The following FRMD5 variants were observed in gnomAD, a reference collection of about 807,000 sequenced individuals.
The protein encoded by FRMD5 is FERM domain containing 5, also known as FERM domain-containing protein 5.
Under a neutral mutation model 69.0 loss-of-function variants are expected in FRMD5, and 20 were observed. That is an observed-to-expected ratio of 0.29 (90% CI 0.20 to 0.42). The LOEUF is 0.42. FRMD5 is among the 10% of genes least tolerant of loss of function. FRMD5 has a pLI of 1.00. For synonymous variants in FRMD5, 271 were observed against 260.1 expected, an observed-to-expected ratio of 1.04 and a Z score of -0.40; for missense variants, 595 against 708.6, an observed-to-expected ratio of 0.84 and a Z score of 1.82.
In FRMD5 at chr15:44,071,168, T is replaced by C. The variant is rs148297705; in HGVS notation, c.102+123785A>G. Among the ~76,000 whole-genome samples, 25 of 152,324 alleles carry C rather than the reference T, an allele frequency of 1.6e-4. No homozygotes were observed. In the East Asian group the frequency reaches 4.8e-3, roughly 29 times the overall value. On this transcript the variant is annotated intron_variant, in intron 1 of 13. Transcript: ENST00000417257. ...TTTTACTTATGTCTTTGCCCAGTTA[T>C]TCTGATTCATCCTCCCAGGTCAGTT...
intron 1 of FRMD5, 164 bp downstream of exon 1, chr15:44,194,789 C>A (rs2078257713): frequency 1.4e-6 from 1 of 711,478 alleles, no homozygotes; most frequent in Non-Finnish European, 2.5e-6. Flanking sequence ...GCAGGGGCTC[C>A]GGTGAAGACG....
intron 1 of FRMD5, among the ~76,000 whole-genome samples, chr15:44,070,082 TAGGAACTACAAATGGCTA>T (rs939313439): frequency 6.6e-6 from 1 of 152,110 alleles, no homozygotes; most frequent in African/African-American, 2.4e-5. Context: ...TGAAATGGCT[TAGGAACTACAAATGGCTA>T]ACCATTTCCA....
At chr15:43,925,688 C>T (rs1439518735) in intron 1 of FRMD5, among the ~76,000 whole-genome samples, 1 of 152,222 alleles carries the variant, frequency 6.6e-6, no homozygotes, top group African/African-American at 2.4e-5. Flanking sequence ...TCTCTGCACT[C>T]ACCCAAAATC....
intron 1 of FRMD5, among the ~76,000 whole-genome samples, chr15:44,038,650 T>C (rs542011816): frequency 6.6e-6 from 1 of 151,722 alleles, no homozygotes; most frequent in South Asian, 2.1e-4. Flanking sequence ...CCAACTGAGG[T>C]ACCCAGTTCA....
chr15:43,972,257 A>G (rs547522225), intron 1 of FRMD5, among the ~76,000 whole-genome samples: 3 of 151,974 alleles, frequency 2.0e-5, no homozygotes, highest in Non-Finnish European at 4.4e-5. Flanking sequence ...CTCCTGCAGC[A>G]CATCACACAA....
intron 1 of FRMD5, among the ~76,000 whole-genome samples, chr15:44,169,619 T>A (rs117056781): frequency 1.1e-3 from 163 of 152,268 alleles, no homozygotes; most frequent in Non-Finnish European, 1.9e-3. Flanking sequence ...TCAGGTTTTA[T>A]ATGGGTTTCC....
chr15:44,037,449 C>T (rs1008544036), intron 1 of FRMD5, among the ~76,000 whole-genome samples: 8 of 150,810 alleles, frequency 5.3e-5, no homozygotes, highest in African/African-American at 7.3e-5. Flanking sequence ...AATACACATA[C>T]GTGTACATGT....
At chr15:44,074,524 G>A (rs1893677537) in intron 1 of FRMD5, among the ~76,000 whole-genome samples, 1 of 150,396 alleles carries the variant, frequency 6.6e-6, no homozygotes, top group Non-Finnish European at 1.5e-5. Flanking sequence ...TTTTTCTTGA[G>A]ACAGAGTTTT....
At chr15:43,964,511 AC>A (rs998129989) in intron 1 of FRMD5, among the ~76,000 whole-genome samples, 2 of 151,640 alleles carry the variant, frequency 1.3e-5, no homozygotes, top group African/African-American at 4.9e-5. Flanking sequence ...AAAAAAAAAA[AC>A]AAAAGAAAAG....
chr15:43,902,060 A>G (rs2089058344), intron 7 of FRMD5, 115 bp downstream of exon 7: 1 of 735,078 alleles, frequency 1.4e-6, no homozygotes, highest in Non-Finnish European at 2.4e-6. Context: ...ATCTCACTGA[A>G]AGTGCCAGCC....
intron 1 of FRMD5, among the ~76,000 whole-genome samples, chr15:43,926,270 T>A (rs2089584041): frequency 6.6e-6 from 1 of 152,318 alleles, no homozygotes; most frequent in East Asian, 1.9e-4. Context: ...CTGCACAGCA[T>A]CCATCGCTGG....
intron 1 of FRMD5, among the ~76,000 whole-genome samples, chr15:44,193,837 G>A (rs1311214545): frequency 2.0e-5 from 3 of 152,228 alleles, no homozygotes; most frequent in Non-Finnish European, 4.4e-5. Context: ...TAAATAAGGA[G>A]GCGGGGGGCA....
rs531461438 is a variant in FRMD5, at chr15:43,892,064, C to G, written c.645G>C (p.Val215=). The change falls in exon 8 of 14, where the codon GTG becomes GTC. Residue 215 remains valine (V), a synonymous_variant. Transcript: ENST00000417257. Reference sequence around the variant, plus strand: ...AGGCCAGAAATGCAGCATTTCCTGACACGTCCTGCAACACAGAAAGACTTC... The same window carrying G: ...AGGCCAGAAATGCAGCATTTCCTGAGACGTCCTGCAACACAGAAAGACTTC... ...YGVDPHPCKD[V]SGNAAFLAFT... is the part of the protein sequence containing the mutation. 9 of 1,613,966 alleles carry G rather than the reference C, an allele frequency of 5.6e-6. No homozygotes were observed. The highest frequency in any genetic ancestry group is 6.8e-6 in the Non-Finnish European group (8 of 1,179,882).
At chr15:43,890,894 C>T (rs2088778231) in intron 8 of FRMD5, among the ~76,000 whole-genome samples, 1 of 152,164 alleles carries the variant, frequency 6.6e-6, no homozygotes, top group African/African-American at 2.4e-5. Context: ...AGCTCAAACT[C>T]AGTGGGGGAG....
intron 6 of FRMD5, 130 bp downstream of exon 6, chr15:43,905,698 G>GTA: frequency 1.7e-6 from 2 of 1,170,590 alleles, no homozygotes; most frequent in Admixed American, 2.1e-5. Flanking sequence ...TACATCCGCG[G>GTA]TCAGGAAGGC....
chr15:43,880,805 GC>G (rs956267230), intron 13 of FRMD5, among the ~76,000 whole-genome samples: 1 of 152,228 alleles, frequency 6.6e-6, no homozygotes, highest in African/African-American at 2.4e-5. Context: ...GCCCTAGGGG[GC>G]CTATACTCCT....
chr15:44,044,722 A>G (rs980942143), intron 1 of FRMD5, among the ~76,000 whole-genome samples: 1 of 150,250 alleles, frequency 6.7e-6, no homozygotes, highest in African/African-American at 2.4e-5. Flanking sequence ...ATGAGAACAC[A>G]TGGACACAGG....
At chr15:44,072,387 T>A (rs1169703461) in intron 1 of FRMD5, among the ~76,000 whole-genome samples, 1 of 152,174 alleles carries the variant, frequency 6.6e-6, no homozygotes. Context: ...CATATAAATG[T>A]TTGTACCTTT....
chr15:43,959,039 C>T (rs1352934931), intron 1 of FRMD5, among the ~76,000 whole-genome samples: 1 of 152,206 alleles, frequency 6.6e-6, no homozygotes, highest in East Asian at 1.9e-4. Context: ...CAAGCCTTAA[C>T]ACAAAGACTA....
Sources: gnomAD v4.1 joint callset for allele counts (sites outside exome capture counted in the v4.1 genomes callset) on GRCh38, gnomAD v4.1.1 for gene constraint, MANE v1.5 for transcripts, NCBI Gene and HGNC (gene_info 2026-07-23, HGNC 2026-07-21) for gene names.